Variants in IQGAP2 observed in about 807,000 individuals in gnomAD.
The protein encoded by IQGAP2 is ras GTPase-activating-like protein IQGAP2.
A neutral mutation model predicts 201.3 loss-of-function variants in IQGAP2; 173 were observed. That is an observed-to-expected ratio of 0.86 (90% CI 0.76 to 0.98). The LOEUF (loss-of-function observed/expected upper bound fraction) is 0.98, where lower values mean the gene tolerates loss of function less well. Among genes scored for constraint, IQGAP2 ranks in the 50% least tolerant of loss-of-function variants. The pLI is 0.00. For synonymous variants in IQGAP2, 675 were observed against 673.9 expected, an observed-to-expected ratio of 1.00 and a Z score of -0.03; for missense variants, 1,687 against 1,864.8, an observed-to-expected ratio of 0.90 and a Z score of 1.76.
At chr5:76,503,954 T>C (rs530156971) in intron 2 of IQGAP2, among the ~76,000 whole-genome samples, 77 of 152,298 alleles carry the variant, frequency 5.1e-4, no homozygotes, top group Non-Finnish European at 4.4e-5. Context: ...TATTCTTCTG[T>C]TGGTTGGTGC....
At chr5:76,525,073 G>C (rs1580380772) in intron 2 of IQGAP2, among the ~76,000 whole-genome samples, 1 of 152,208 alleles carries the variant, frequency 6.6e-6, no homozygotes, top group African/African-American at 2.4e-5. Flanking sequence ...ACTGCCGTGA[G>C]ACTGCTGTGA....
intron 32 of IQGAP2, among the ~76,000 whole-genome samples, chr5:76,696,293 G>A (rs1746738320): frequency 6.6e-6 from 1 of 152,172 alleles, no homozygotes; most frequent in Admixed American, 6.5e-5. Flanking sequence ...CTTAGAACCT[G>A]CCACTGAGAT....
chr5:76,463,345 C>T (rs1409543553), intron 2 of IQGAP2, among the ~76,000 whole-genome samples: 1 of 152,064 alleles, frequency 6.6e-6, no homozygotes, highest in Non-Finnish European at 1.5e-5. Flanking sequence ...CTGGTCCCAG[C>T]TCCACCACTT....
chr5:76,516,029 C>T (rs1323599636), intron 2 of IQGAP2, among the ~76,000 whole-genome samples: 1 of 151,760 alleles, frequency 6.6e-6, no homozygotes, highest in African/African-American at 2.4e-5. Flanking sequence ...GCGTGTGCCA[C>T]CATGCCTGGA....
At chr5:76,457,022 C>A (rs10474475) in intron 1 of IQGAP2, among the ~76,000 whole-genome samples, 32,607 of 151,914 alleles carry the variant, frequency 0.21, 3,703 homozygotes, top group Middle Eastern at 0.29. Context: ...CAGGGTCTTG[C>A]TTTGTCACCC....
At chr5:76,453,294 G>C (rs906666235) in intron 1 of IQGAP2, among the ~76,000 whole-genome samples, 2 of 152,124 alleles carry the variant, frequency 1.3e-5, no homozygotes, top group African/African-American at 4.8e-5. Context: ...TGCATGTTAA[G>C]TATTAATCCT....
At chr5:76,444,838 T>C (rs1753279700) in intron 1 of IQGAP2, among the ~76,000 whole-genome samples, 1 of 152,200 alleles carries the variant, frequency 6.6e-6, no homozygotes, top group Non-Finnish European at 1.5e-5. Context: ...GGTTTTTTCA[T>C]AGACTATCGG....
chr5:76,428,464 T>C (rs142327493), intron 1 of IQGAP2, among the ~76,000 whole-genome samples: 109 of 145,362 alleles, frequency 7.5e-4, no homozygotes, highest in African/African-American at 2.7e-3. Flanking sequence ...TGAGATGGAG[T>C]TCTGCTCTTG....
At position 76,403,639 on chromosome 5, in the gene IQGAP2, C is replaced by T; in HGVS notation, c.46+48C>T. On this transcript the variant is annotated intron_variant, in intron 1 of 35. Coordinates refer to ENST00000274364, the MANE Select transcript of IQGAP2 (RefSeq NM_006633.5). The surrounding 1 kb of genome is among the most constrained non-coding windows in gnomAD (Gnocchi z 4.8). ...GTTCCTGCTGGCCTTGGGGAGCTCC[C>T]TCCCCGAGGACGGCGTTGGAGAAGC... 1.4e-6 allele frequency: 2 copies of T among 1,428,708 alleles called. No individual in the cohort carries two copies. Among genetic ancestry groups the T allele is most frequent in the Non-Finnish European group, 1.8e-6 (2 of 1,084,158 alleles). 88.5% of individuals were successfully genotyped at this position (1,428,708 alleles called of 1,614,324 possible).
At chr5:76,689,230 T>TAAAAAAAAAA (rs11424254) in intron 30 of IQGAP2, among the ~76,000 whole-genome samples, 1,971 of 86,384 alleles carry the variant, frequency 0.023, 93 homozygotes, top group Non-Finnish European at 0.03. Flanking sequence ...CAGGGATATT[T>TAAAAAAAAAA]AAAAAAAAAA....
chr5:76,677,560 T>C, intron 28 of IQGAP2: 1 of 404,004 alleles, frequency 2.5e-6, no homozygotes, highest in East Asian at 3.9e-5. Context: ...TTTACATAAT[T>C]ATTCCCTGAC....
intron 24 of IQGAP2, among the ~76,000 whole-genome samples, chr5:76,672,803 G>A (rs1744462818): frequency 6.6e-6 from 1 of 151,426 alleles, no homozygotes; most frequent in Non-Finnish European, 1.5e-5. Context: ...TATGCACTAA[G>A]GTATGAAAAT....
chr5:76,635,422 A>G (rs1751045819), intron 15 of IQGAP2, among the ~76,000 whole-genome samples: 1 of 152,198 alleles, frequency 6.6e-6, no homozygotes, highest in African/African-American at 2.4e-5. Flanking sequence ...TTCTCAGTTC[A>G]AGTGACGGGA....
At chr5:76,680,968 C>T (rs150527529) in intron 28 of IQGAP2, among the ~76,000 whole-genome samples, 396 of 150,738 alleles carry the variant, frequency 2.6e-3, no homozygotes, top group African/African-American at 8.4e-3. Flanking sequence ...TAACCAGGTG[C>T]GGTGACACAT....
In IQGAP2 at chr5:76,432,482, C is replaced by T. The variant is rs553912109; in HGVS notation, c.46+28891C>T. Among the ~76,000 whole-genome samples the T allele has an allele frequency of 2.6e-5, 4 of 152,196 alleles. No homozygotes were observed. The South Asian group carries it at 8.3e-4, about 32-fold the overall frequency. ...GGTGGGTTTTTTGGAGCATCACATA[C>T]CCCTCAAGCTAATAGAACAGGATAG... On this transcript the variant is annotated intron_variant, in intron 1 of 35. Coordinates refer to ENST00000274364, the MANE Select transcript of IQGAP2 (RefSeq NM_006633.5).
At position 76,600,828 on chromosome 5, in the gene IQGAP2, A is replaced by C. The variant is rs955288465; in HGVS notation, c.1088A>C (p.Glu363Ala). Residue 363 changes from glutamate (E) to alanine (A), a missense_variant, in exon 11 of 36, where the codon GAG (glutamate) becomes GCG (alanine). Transcript: ENST00000274364. ...TTCCAACAGAACTACTTGGCCCACG[A>C]GGAGCTTTTGATTGCTGTGGAAATG... ...KQNTMNYLAH[E>A]ELLIAVEMLS... 4 of 1,614,014 alleles carry C rather than the reference A, an allele frequency of 2.5e-6. No individual in the cohort carries two copies. The African/African-American group carries it at 5.3e-5, about 22-fold the overall frequency.
intron 10 of IQGAP2, among the ~76,000 whole-genome samples, chr5:76,600,586 T>A (rs1747362845): frequency 1.3e-5 from 2 of 152,186 alleles, no homozygotes; most frequent in African/African-American, 4.8e-5. Flanking sequence ...TCGTAACTTT[T>A]CATTGTAATC....
At chr5:76,430,170 C>T (rs1272820926) in intron 1 of IQGAP2, among the ~76,000 whole-genome samples, 1 of 152,172 alleles carries the variant, frequency 6.6e-6, no homozygotes, top group Non-Finnish European at 1.5e-5. Flanking sequence ...GACAAATCAC[C>T]TCAAAACTTA....
At chr5:76,409,556 C>T (rs1341516196) in intron 1 of IQGAP2, among the ~76,000 whole-genome samples, 1 of 152,076 alleles carries the variant, frequency 6.6e-6, no homozygotes, top group African/African-American at 2.4e-5. Flanking sequence ...CTTACATGGG[C>T]TTTTCATAGA....
Sources: gnomAD v4.1 joint callset for allele counts (sites outside exome capture counted in the v4.1 genomes callset) on GRCh38, gnomAD v4.1.1 for gene constraint, Gnocchi (gnomAD v3.1) non-coding constraint, MANE v1.5 for transcripts, NCBI Gene and HGNC (gene_info 2026-07-23, HGNC 2026-07-21) for gene names.